WDR27: variants seen among roughly 807,000 people sequenced by gnomAD.
WDR27 encodes WD repeat-containing protein 27.
Under a neutral mutation model 114.4 loss-of-function variants are expected in WDR27, and 100 were observed. The ratio of observed to expected loss-of-function variants is 0.87; its 90% CI spans 0.74 to 1.03. The LOEUF (loss-of-function observed/expected upper bound fraction) is 1.03. Among genes scored for constraint, WDR27 ranks in the 50% least tolerant of loss-of-function variants. The pLI, the probability that WDR27 is intolerant of heterozygous loss-of-function variation, is 0.00. For missense variants in WDR27, 1,129 were observed against 1,092.9 expected, an observed-to-expected ratio of 1.03 and a Z score of -0.47; for synonymous variants, 449 against 423.1, an observed-to-expected ratio of 1.06 and a Z score of -0.75.
intron 3 of WDR27, 108 bp downstream of exon 3, chr6:169,672,147 G>A (rs559369274): frequency 1.7e-6 from 2 of 1,153,344 alleles, no homozygotes; most frequent in Admixed American, 2.7e-5. Flanking sequence ...ACCCCCCGAG[G>A]GACTGCTGTT....
intron 16 of WDR27, 67 bp downstream of exon 16, chr6:169,647,706 T>G: frequency 7.8e-7 from 1 of 1,283,978 alleles, no homozygotes; most frequent in Non-Finnish European, 1.1e-6. Context: ...AGAAAAATGT[T>G]TACAGTGGGC....
chr6:169,584,146 TCA>T (rs1804113842), intron 23 of WDR27, among the ~76,000 whole-genome samples: 1 of 152,190 alleles, frequency 6.6e-6, no homozygotes, highest in African/African-American at 2.4e-5. Flanking sequence ...GATACAGATT[TCA>T]CACAGAAGTG....
chr6:169,667,932 T>C, intron 5 of WDR27, 50 bp downstream of exon 5: 1 of 1,537,920 alleles, frequency 6.5e-7, no homozygotes, highest in Non-Finnish European at 8.8e-7. Flanking sequence ...ACCACAGTTC[T>C]TTCCACAGCA....
the WDR27 span, among the ~76,000 whole-genome samples, chr6:169,451,494 G>A: frequency 1.1e-4 from 16 of 152,254 alleles, no homozygotes; most frequent in South Asian, 1.2e-3. Flanking sequence ...ATACTTTTTG[G>A]TTTACAAAGG....
chr6:169,483,499 G>C (rs967997156), intron 25 of WDR27, among the ~76,000 whole-genome samples: 2 of 152,184 alleles, frequency 1.3e-5, no homozygotes, highest in Admixed American at 6.5e-5. Flanking sequence ...AACAAGTTCT[G>C]AAATTGAATT....
chr6:169,461,023 GAAAC>G (rs1394277001), intron 25 of WDR27, among the ~76,000 whole-genome samples: 2 of 150,998 alleles, frequency 1.3e-5, no homozygotes, highest in Non-Finnish European at 3.0e-5. Context: ...AAGGCTAAAA[GAAAC>G]AAAATAGGAC....
At chr6:169,531,577 C>A (rs568029858) in intron 25 of WDR27, among the ~76,000 whole-genome samples, 16 of 152,102 alleles carry the variant, frequency 1.1e-4, no homozygotes, top group Admixed American at 8.5e-4. Context: ...TACTCATGGT[C>A]TCATGGTCTG....
Position 169,582,851 on chromosome 6 carries a change from G to A in WDR27, c.2508C>T (p.Asn836=). 1.2e-6 allele frequency: 2 copies of A among 1,613,874 alleles called. No individual in the cohort carries two copies. Among genetic ancestry groups the A allele is most frequent in the Non-Finnish European group, 1.7e-6 (2 of 1,179,852 alleles). ...AAGACTGTACCTGGGGCGCTGATGGGTTGAAGGCCACTCCAGTGACAGTGT... is the reference window on the plus strand; with the variant it reads ...AAGACTGTACCTGGGGCGCTGATGGATTGAAGGCCACTCCAGTGACAGTGT... The part of the protein sequence containing the change: ...HTDTVTGVAF[N]PSAPQMESRS... The change falls in exon 24 of 26, where the codon AAC becomes AAT. Residue 836 remains asparagine (N), a synonymous_variant. Transcript: ENST00000448612.
At chr6:169,599,526 A>G (rs1467325117) in intron 23 of WDR27, among the ~76,000 whole-genome samples, 2 of 152,060 alleles carry the variant, frequency 1.3e-5, no homozygotes, top group Non-Finnish European at 2.9e-5. Flanking sequence ...CATTTCTTCT[A>G]GATTTTCTAG....
chr6:169,472,097 A>C (rs1786488583), intron 25 of WDR27, among the ~76,000 whole-genome samples: 1 of 152,226 alleles, frequency 6.6e-6, no homozygotes, highest in South Asian at 2.1e-4. Flanking sequence ...GTCATGTGTT[A>C]CCAATCCATC....
chr6:169,522,906 A>C lies in WDR27; in HGVS notation c.2645+49513T>G, dbSNP rs1794558140. Among the ~76,000 whole-genome samples the C allele has an allele frequency of 3.3e-5, 5 of 152,086 alleles. No individual in the cohort carries two copies. The East Asian group carries it at 9.6e-4, about 29-fold the overall frequency. Reference sequence around the variant, plus strand: ...CCACCTAACAATGTTCCTCAAAGAAAGAGGAAAGAAAGAATAAACCAAACC... The same window carrying C: ...CCACCTAACAATGTTCCTCAAAGAACGAGGAAAGAAAGAATAAACCAAACC... On this transcript the variant is annotated intron_variant, in intron 25 of 25. Transcript: ENST00000448612.
At chr6:169,555,664 G>T (rs975366703) in intron 25 of WDR27, among the ~76,000 whole-genome samples, 1 of 152,126 alleles carries the variant, frequency 6.6e-6, no homozygotes, top group Non-Finnish European at 1.5e-5. Context: ...CTTCACTTTT[G>T]TAATGGAGCC....
At chr6:169,670,424 T>TTTATAAAATCA (rs1778397370) in intron 4 of WDR27, 145 bp downstream of exon 4, 5 of 834,734 alleles carry the variant, frequency 6.0e-6, no homozygotes, top group Admixed American at 6.4e-5. Context: ...AAGATATGAT[T>TTTATAAAATCA]TTATAAAAGT....
At chr6:169,432,312 G>C in the WDR27 span, among the ~76,000 whole-genome samples, 3 of 152,166 alleles carry the variant, frequency 2.0e-5, no homozygotes, top group Non-Finnish European at 4.4e-5. Flanking sequence ...CATTTTCACA[G>C]TTAACTATGC....
intron 17 of WDR27, among the ~76,000 whole-genome samples, chr6:169,639,616 C>T (rs767122048): frequency 1.1e-4 from 16 of 152,164 alleles, no homozygotes; most frequent in Admixed American, 3.3e-4. Flanking sequence ...GTCTGAATAT[C>T]AGCAGTGTGT....
chr6:169,445,735 C>T, the WDR27 span, among the ~76,000 whole-genome samples: 25 of 152,284 alleles, frequency 1.6e-4, no homozygotes, highest in Non-Finnish European at 3.5e-4. Context: ...TGCACCTGCG[C>T]TCTGCAGTCC....
At chr6:169,463,899 A>T (rs548330230) in intron 25 of WDR27, among the ~76,000 whole-genome samples, 1 of 152,372 alleles carries the variant, frequency 6.6e-6, no homozygotes, top group Non-Finnish European at 1.5e-5. Context: ...AAAGACATTC[A>T]TTAAAACACT....
chr6:169,564,249 A>G (rs1800103565), intron 25 of WDR27, among the ~76,000 whole-genome samples: 1 of 152,226 alleles, frequency 6.6e-6, no homozygotes, highest in Admixed American at 6.5e-5. Flanking sequence ...CAGGAGACTC[A>G]GCAAGTCTAG....
chr6:169,533,633 C>A (rs1215061871), intron 25 of WDR27, among the ~76,000 whole-genome samples: 1 of 152,170 alleles, frequency 6.6e-6, no homozygotes, highest in Non-Finnish European at 1.5e-5. Context: ...GCACCACCAG[C>A]AATGGAGCTG....
Sources: gnomAD v4.1 joint callset for allele counts (sites outside exome capture counted in the v4.1 genomes callset) on GRCh38, gnomAD v4.1.1 for gene constraint, MANE v1.5 for transcripts, NCBI Gene and HGNC (gene_info 2026-07-23, HGNC 2026-07-21) for gene names.